WIPF3: variants seen among roughly 807,000 people sequenced by gnomAD.
WIPF3 encodes WAS/WASL interacting protein family member 3.
Under a neutral mutation model 38.9 loss-of-function variants are expected in WIPF3, and 33 were observed. The observed-to-expected ratio is 0.85, with a 90% CI of 0.64 to 1.14. The LOEUF (loss-of-function observed/expected upper bound fraction) is 1.14. Among genes scored for constraint, WIPF3 ranks in the 50% most tolerant of loss-of-function variants. The probability of loss-of-function intolerance (pLI) is 0.00; values close to 1 mark genes in which losing one functional copy is unlikely to be tolerated. For synonymous variants in WIPF3, 324 were observed against 269.3 expected (o/e 1.20, Z -1.99); for missense variants, 711 against 652.5 (o/e 1.09, Z -0.98).
intron 8 of WIPF3, 92 bp from the exon 9 acceptor site, chr7:29,914,401 G>A: frequency 9.2e-7 from 1 of 1,083,178 alleles, no homozygotes; most frequent in Admixed American, 3.2e-5. Flanking sequence ...GAAGCTTCGG[G>A]GCCCAGCCTG....
intron 8 of WIPF3, among the ~76,000 whole-genome samples, chr7:29,909,772 T>A (rs1583632458): frequency 6.6e-6 from 1 of 151,992 alleles, no homozygotes; most frequent in African/African-American, 2.4e-5. Flanking sequence ...GGTGCGTGGC[T>A]GTAGTCTAGC....
At chr7:29,807,558 G>A (rs1784302473) in intron 1 of WIPF3, among the ~76,000 whole-genome samples, 1 of 152,222 alleles carries the variant, frequency 6.6e-6, no homozygotes, top group South Asian at 2.1e-4. Flanking sequence ...AGGGTGGCGT[G>A]CCAGCCGCGT....
chr7:29,875,801 A>C, intron 2 of WIPF3, 29 bp from the exon 3 acceptor site: 1 of 1,605,050 alleles, frequency 6.2e-7, no homozygotes, highest in South Asian at 1.1e-5. Flanking sequence ...AAATGCTACT[A>C]TAGTCAAATC....
At position 29,844,590 on chromosome 7, in the gene WIPF3, A is replaced by G. The variant is rs1583600156; in HGVS notation, c.90+9776A>G. Among the ~76,000 whole-genome samples, 1 of 152,204 alleles carries G rather than the reference A, an allele frequency of 6.6e-6. No individual in the cohort carries two copies. ...GGATTCCTCCCCTGCCTTTCTGGCC[A>G]TTGAGCCTAACTGCCGTGTGCCCCA... On this transcript the variant is annotated intron_variant, in intron 2 of 8. Transcript: ENST00000242140. This position sits in a 1 kb window ranked among gnomAD's most constrained non-coding sequence, Gnocchi z 4.8.
chr7:29,817,934 T>A (rs1784481561), intron 1 of WIPF3, among the ~76,000 whole-genome samples: 1 of 152,194 alleles, frequency 6.6e-6, no homozygotes, highest in African/African-American at 2.4e-5. Context: ...GACTATAGTG[T>A]GTTTTTCCAC....
At chr7:29,895,757 C>G (rs1786129755) in intron 7 of WIPF3, among the ~76,000 whole-genome samples, 1 of 152,094 alleles carries the variant, frequency 6.6e-6, no homozygotes, top group Non-Finnish European at 1.5e-5. Context: ...GGAGGAGGTG[C>G]CACACACTTA....
intron 2 of WIPF3, 75 bp downstream of exon 2, chr7:29,834,889 T>C: frequency 3.4e-6 from 5 of 1,486,484 alleles, no homozygotes; most frequent in Non-Finnish European, 1.8e-6. Flanking sequence ...AGGTTTTAAA[T>C]GTTCAGAAGT....
intron 7 of WIPF3, among the ~76,000 whole-genome samples, chr7:29,901,037 A>G (rs1284840407): frequency 6.6e-6 from 1 of 152,050 alleles, no homozygotes; most frequent in Non-Finnish European, 1.5e-5. Context: ...GGTGGTTATG[A>G]ATGGGAGGGA....
intron 8 of WIPF3, 111 bp downstream of exon 8, chr7:29,904,473 C>T (rs1481779159): frequency 5.5e-6 from 6 of 1,084,144 alleles, no homozygotes; most frequent in Non-Finnish European, 6.8e-6. Flanking sequence ...TCCTCACACT[C>T]CTTTTCCTCA....
chr7:29,913,629 A>G (rs1362258673), intron 8 of WIPF3, among the ~76,000 whole-genome samples: 1 of 152,238 alleles, frequency 6.6e-6, no homozygotes, highest in African/African-American at 2.4e-5. Context: ...TAATCCTTTT[A>G]ATAACCCTGT....
chr7:29,859,013 A>G (rs540925970), intron 2 of WIPF3, among the ~76,000 whole-genome samples: 5 of 152,240 alleles, frequency 3.3e-5, no homozygotes, highest in Non-Finnish European at 5.9e-5. Context: ...TCCTGCCTCA[A>G]GGAACTTACT....
At chr7:29,891,643 G>A (rs187694532) in intron 7 of WIPF3, among the ~76,000 whole-genome samples, 231 of 152,280 alleles carry the variant, frequency 1.5e-3, no homozygotes, top group Middle Eastern at 3.4e-3. Context: ...TCAGTTCAGC[G>A]CGCTCACATG....
At chr7:29,883,775 C>T in intron 4 of WIPF3, 75 bp from the exon 5 acceptor site, 1 of 1,494,050 alleles carries the variant, frequency 6.7e-7, no homozygotes, top group Non-Finnish European at 8.9e-7. Context: ...GCTTGAGTGT[C>T]CTGAGTGCCG....
At chr7:29,815,464 G>A (rs2128061722) in intron 1 of WIPF3, among the ~76,000 whole-genome samples, 1 of 152,292 alleles carries the variant, frequency 6.6e-6, no homozygotes, top group South Asian at 2.1e-4. Flanking sequence ...ATGCATGGAT[G>A]CTCAGTGAGT....
At chr7:29,850,924 A>G (rs1785084205) in intron 2 of WIPF3, among the ~76,000 whole-genome samples, 1 of 152,196 alleles carries the variant, frequency 6.6e-6, no homozygotes, top group Non-Finnish European at 1.5e-5. Flanking sequence ...TGTGAAATGG[A>G]AATAATAATA....
intron 1 of WIPF3, among the ~76,000 whole-genome samples, chr7:29,829,518 T>C (rs369880374): frequency 1.3e-5 from 2 of 152,076 alleles, no homozygotes; most frequent in African/African-American, 2.4e-5. Context: ...CGTGCCTGAA[T>C]TGACTCCTGC....
At position 29,870,616 on chromosome 7, in the gene WIPF3, A is replaced by G. The variant is rs1370210303; in HGVS notation, c.91-5214A>G. ...ATGGGTATGCTTGTTTTATGGGTGTAAAGAACAGGACCAGACTCATAGCCC... is the reference window on the plus strand; with the variant it reads ...ATGGGTATGCTTGTTTTATGGGTGTGAAGAACAGGACCAGACTCATAGCCC... On this transcript the variant is annotated intron_variant, in intron 2 of 8. Coordinates refer to ENST00000242140, the MANE Select transcript of WIPF3 (RefSeq NM_001080529.3). Among the ~76,000 whole-genome samples, 36 of 152,208 alleles carry G rather than the reference A, an allele frequency of 2.4e-4. 1 individual carries two copies. Among genetic ancestry groups the G allele is most frequent in the Admixed American group, 2.4e-3 (36 of 15,288 alleles).
intron 7 of WIPF3, among the ~76,000 whole-genome samples, chr7:29,897,204 A>C (rs1466897118): frequency 6.6e-6 from 1 of 152,178 alleles, no homozygotes; most frequent in Non-Finnish European, 1.5e-5. Context: ...CATCGTATGG[A>C]TGTACCACAT....
rs973386265 is a variant in WIPF3 at position 29,873,727 on chromosome 7, C to T, written c.91-2103C>T. On this transcript the variant is annotated intron_variant, in intron 2 of 8. Coordinates refer to ENST00000242140, the MANE Select transcript of WIPF3 (RefSeq NM_001080529.3). ...TTGACCATCATTCATAAGTCCCTCT[C>T]AGGGGTTCAAAAGCTTGTTTCCAGG... Among the ~76,000 whole-genome samples the T allele has an allele frequency of 5.8e-4, 89 of 152,190 alleles. 1 individual carries two copies. The highest frequency in any genetic ancestry group is 5.7e-3 in the Admixed American group (87 of 15,286).
Sources: gnomAD v4.1 joint callset for allele counts (sites outside exome capture counted in the v4.1 genomes callset) on GRCh38, gnomAD v4.1.1 for gene constraint, Gnocchi (gnomAD v3.1) non-coding constraint, MANE v1.5 for transcripts, NCBI Gene and HGNC (gene_info 2026-07-23, HGNC 2026-07-21) for gene names.